Variants in CSMD1 observed in about 807,000 individuals in gnomAD.
The protein encoded by CSMD1 is CUB and Sushi multiple domains 1, also known as CUB and sushi domain-containing protein 1.
CSMD1 carries 213 observed loss-of-function variants against 417.5 expected under a neutral mutation model. That is an observed-to-expected ratio of 0.51 (90% CI 0.46 to 0.57). The LOEUF is 0.57. CSMD1 is among the 20% of genes least tolerant of loss of function. The probability of loss-of-function intolerance (pLI) is 0.00; values close to 1 mark genes in which losing one functional copy is unlikely to be tolerated. For missense variants in CSMD1, 6,923 were observed against 4,529.7 expected (o/e 1.53, Z -15.17); for synonymous variants, 2,862 against 1,736.8 (o/e 1.65, Z -16.11).
At chr8:3,653,295 A>G (rs942279722) in intron 7 of CSMD1, among the ~76,000 whole-genome samples, 2 of 152,138 alleles carry the variant, frequency 1.3e-5, no homozygotes, top group South Asian at 2.1e-4. Flanking sequence ...AAAGAAAACT[A>G]AAGTTATGGG....
At chr8:4,697,196 A>C (rs1807190891) in intron 1 of CSMD1, among the ~76,000 whole-genome samples, 1 of 152,080 alleles carries the variant, frequency 6.6e-6, no homozygotes, top group Non-Finnish European at 1.5e-5. Flanking sequence ...AAAAATAAAA[A>C]AATCAGAAAA....
chr8:3,903,022 T>C (rs757786351), intron 5 of CSMD1, among the ~76,000 whole-genome samples: 2 of 152,142 alleles, frequency 1.3e-5, no homozygotes, highest in Non-Finnish European at 2.9e-5. Flanking sequence ...TGCACGTTTC[T>C]GTGTTATTAA....
chr8:3,106,686 C>G lies in CSMD1; in HGVS notation c.6836-45G>C, dbSNP rs760869136. On this transcript the variant is annotated intron_variant, in intron 45 of 69. Transcript: ENST00000635120. ...AAACCAGGAAATTGTGTGTGACCTT[C>G]TGAGTGTGTGAAGGTGTGACACATG... is the stretch of plus-strand genomic sequence containing the variant. The G allele has an allele frequency of 5.0e-6, 6 of 1,204,842 alleles. No individual in the cohort carries two copies. In the South Asian group the frequency reaches 7.9e-5, roughly 16 times the overall value. The allele number at this position is 1,204,842 out of a possible 1,614,324, so 74.6% of individuals were successfully genotyped here.
At chr8:3,848,203 T>C (rs1803644144) in intron 5 of CSMD1, among the ~76,000 whole-genome samples, 1 of 152,100 alleles carries the variant, frequency 6.6e-6, no homozygotes, top group Non-Finnish European at 1.5e-5. Context: ...TCAGGAACAA[T>C]CAGAAGTTGT....
rs374762916 is a variant in CSMD1, at chr8:4,918,197, G to A, written c.85+76135C>T. On this transcript the variant is annotated intron_variant, in intron 1 of 69. Coordinates refer to ENST00000635120, the MANE Select transcript of CSMD1 (RefSeq NM_033225.6). ...GTGACTCCTGAGTTGAAATCATTAC[G>A]AAGGGGATGATGCTGATCGAGGGAT... 2.0e-4 allele frequency among the ~76,000 whole-genome samples: 31 copies of A among 152,254 alleles called. 1 individual carries two copies. The South Asian group carries it at 2.3e-3, about 11-fold the overall frequency.
chr8:4,467,711 A>T (rs555318235), intron 2 of CSMD1, among the ~76,000 whole-genome samples: 50 of 152,326 alleles, frequency 3.3e-4, no homozygotes, highest in African/African-American at 8.9e-4. Context: ...TTATCTTTTT[A>T]AAAAAATCTC....
At chr8:4,060,061 C>G (rs1300475514) in intron 3 of CSMD1, among the ~76,000 whole-genome samples, 2 of 152,122 alleles carry the variant, frequency 1.3e-5, no homozygotes, top group Non-Finnish European at 2.9e-5. Flanking sequence ...ACTGGCAAAC[C>G]GAATCCAGCA....
rs73658897 is a variant in CSMD1, at chr8:4,437,507, G to A, written c.303-17442C>T. ...CTCTCAAGATTTTTATAACATAGCC[G>A]CGTATGTATTTTTGTCATTTATTTC... On this transcript the variant is annotated intron_variant, in intron 2 of 69. Coordinates refer to ENST00000635120, the MANE Select transcript of CSMD1 (RefSeq NM_033225.6). 3.3e-3 allele frequency among the ~76,000 whole-genome samples: 498 copies of A among 152,116 alleles called. 3 individuals carry two copies. The highest frequency in any genetic ancestry group is 0.011 in the African/African-American group (456 of 41,498).
At chr8:4,904,369 G>C (rs146258002) in intron 1 of CSMD1, among the ~76,000 whole-genome samples, 3 of 152,182 alleles carry the variant, frequency 2.0e-5, no homozygotes, top group South Asian at 2.1e-4. Flanking sequence ...AGAAGGTTGG[G>C]TTTTAAATTT....
chr8:3,635,865 T>C (rs1403713930), intron 7 of CSMD1, among the ~76,000 whole-genome samples: 5 of 150,782 alleles, frequency 3.3e-5, no homozygotes, highest in East Asian at 2.0e-4. Context: ...TAGGTTACTC[T>C]ACATTTGTAA....
At chr8:3,130,304 C>G (rs886450486) in intron 41 of CSMD1, among the ~76,000 whole-genome samples, 1 of 152,052 alleles carries the variant, frequency 6.6e-6, no homozygotes, top group Admixed American at 6.5e-5. Flanking sequence ...GCACAACATT[C>G]ATCATTCACA....
intron 3 of CSMD1, among the ~76,000 whole-genome samples, chr8:4,069,519 C>T (rs1041168900): frequency 1.3e-5 from 2 of 152,100 alleles, no homozygotes; most frequent in Non-Finnish European, 2.9e-5. Flanking sequence ...TGCTAATGAT[C>T]GATGATTTGT....
chr8:4,798,678 C>T (rs933855733), intron 1 of CSMD1, among the ~76,000 whole-genome samples: 2 of 151,966 alleles, frequency 1.3e-5, no homozygotes, highest in Admixed American at 6.6e-5. Flanking sequence ...CCACCATACA[C>T]CAAACTAATT....
chr8:3,311,396 C>T (rs998751868), intron 23 of CSMD1, among the ~76,000 whole-genome samples: 5 of 152,134 alleles, frequency 3.3e-5, no homozygotes, highest in South Asian at 2.1e-4. Flanking sequence ...ACTATAAGTG[C>T]GAGCCATCAC....
intron 1 of CSMD1, among the ~76,000 whole-genome samples, chr8:4,923,889 A>C (rs910723317): frequency 2.0e-5 from 3 of 152,202 alleles, no homozygotes; most frequent in African/African-American, 7.2e-5. Context: ...TCCAAACTTT[A>C]TCTGTATAGG....
At chr8:4,770,970 T>C (rs1304026721) in intron 1 of CSMD1, among the ~76,000 whole-genome samples, 12 of 152,002 alleles carry the variant, frequency 7.9e-5, no homozygotes, top group Non-Finnish European at 1.5e-5. Context: ...TACATCACAC[T>C]AAAAAGCTTC....
At chr8:3,967,401 T>G (rs1812751562) in intron 5 of CSMD1, among the ~76,000 whole-genome samples, 1 of 152,132 alleles carries the variant, frequency 6.6e-6, no homozygotes, top group African/African-American at 2.4e-5. Flanking sequence ...GAGGTTGTCA[T>G]TCAACCTGTA....
chr8:4,060,005 G>C (rs1252418349), intron 3 of CSMD1, among the ~76,000 whole-genome samples: 1 of 152,128 alleles, frequency 6.6e-6, no homozygotes, highest in Non-Finnish European at 1.5e-5. Flanking sequence ...GAGAATTTTA[G>C]ACCAATATCC....
chr8:3,218,363 C>T (rs968658322), intron 29 of CSMD1, among the ~76,000 whole-genome samples: 1 of 151,006 alleles, frequency 6.6e-6, no homozygotes, highest in African/African-American at 2.4e-5. Flanking sequence ...AGATCGAGAT[C>T]ATCCTGGCTA....
Sources: allele counts gnomAD v4.1 joint callset (sites outside exome capture counted in the v4.1 genomes callset), GRCh38; gene constraint gnomAD v4.1.1; transcripts MANE v1.5; gene names NCBI Gene and HGNC (gene_info 2026-07-23, HGNC 2026-07-21).